The following PCDHGA7 variants were observed in gnomAD, a reference collection of about 807,000 sequenced individuals.
The protein encoded by PCDHGA7 is protocadherin gamma-A7.
Under a neutral mutation model 58.3 loss-of-function variants are expected in PCDHGA7, and 44 were observed. The observed-to-expected ratio is 0.75, with a 90% CI of 0.59 to 0.97. PCDHGA7 has a LOEUF of 0.97. PCDHGA7 is among the 50% of genes least tolerant of loss of function. The pLI is 0.00. For missense variants in PCDHGA7, 1,266 were observed against 1,188.7 expected, an observed-to-expected ratio of 1.06 and a Z score of -0.96; for synonymous variants, 516 against 504.2, an observed-to-expected ratio of 1.02 and a Z score of -0.31.
At position 141,491,137 on chromosome 5, in the gene PCDHGA7, GC is replaced by G. The variant is rs1373404184; in HGVS notation, c.2425-3668del. ...CACTGGTGAGGTGCGCACAGCCCGG[GC>G]CTTACTGGAGGATGACTCTGACACC... On this transcript the variant is annotated intron_variant, in intron 1 of 3. Transcript: ENST00000518325. This position sits in a 1 kb window ranked among gnomAD's most constrained non-coding sequence, Gnocchi z 6.9. The G allele has an allele frequency of 1.2e-6, 2 of 1,614,156 alleles. No individual in the cohort carries two copies. Among genetic ancestry groups the G allele is most frequent in the Non-Finnish European group, 1.7e-6 (2 of 1,180,008 alleles).
chr5:141,498,197 A>C (rs1191884415), intron 2 of PCDHGA7, among the ~76,000 whole-genome samples: 1 of 152,246 alleles, frequency 6.6e-6, no homozygotes. Flanking sequence ...AACCAGCTAA[A>C]GAAAAGAAGG....
At chr5:141,509,081 A>G (rs1279221589) in intron 3 of PCDHGA7, among the ~76,000 whole-genome samples, 1 of 152,160 alleles carries the variant, frequency 6.6e-6, no homozygotes, top group African/African-American at 2.4e-5. Flanking sequence ...GATTTGCGAC[A>G]TGAAATGGGG....
At chr5:141,404,484 C>G in intron 1 of PCDHGA7, 1 of 1,613,504 alleles carries the variant, frequency 6.2e-7, no homozygotes, top group East Asian at 2.2e-5. Context: ...AACTCAGACA[C>G]TGGTGTGCTG....
chr5:141,495,077 C>T (rs1237589417), intron 2 of PCDHGA7, among the ~76,000 whole-genome samples: 4 of 152,180 alleles, frequency 2.6e-5, no homozygotes, highest in African/African-American at 9.7e-5. Flanking sequence ...AATTCACATG[C>T]TTGCCCCTTC....
chr5:141,393,220 A>G (rs2092705422), intron 1 of PCDHGA7: 15 of 1,613,684 alleles, frequency 9.3e-6, no homozygotes, highest in Non-Finnish European at 1.3e-5. Context: ...TTCCAGGTCG[A>G]AGATCTAGAA....
Position 141,487,373 on chromosome 5 carries a change from C to T in PCDHGA7, c.2425-7434C>T. 2 of 1,614,224 alleles carry T rather than the reference C, an allele frequency of 1.2e-6. No homozygotes were observed. Among genetic ancestry groups the T allele is most frequent in the Non-Finnish European group, 1.7e-6 (2 of 1,180,042 alleles). On this transcript the variant is annotated intron_variant, in intron 1 of 3. Transcript: ENST00000518325. This position sits in a 1 kb window ranked among gnomAD's most constrained non-coding sequence, Gnocchi z 5.0. ...CTTTCCTGCTGGCACCTGTGCCTGTCTCACCAGATCTCGAAGGAGGGAGGG... is the reference window on the plus strand; with the variant it reads ...CTTTCCTGCTGGCACCTGTGCCTGTTTCACCAGATCTCGAAGGAGGGAGGG...
chr5:141,500,484 C>T (rs2099800696), intron 2 of PCDHGA7, among the ~76,000 whole-genome samples: 1 of 152,304 alleles, frequency 6.6e-6, no homozygotes, highest in Non-Finnish European at 1.5e-5. Context: ...GCTGGGATTA[C>T]AGGCGTGAGC....
At chr5:141,388,085 C>G in intron 1 of PCDHGA7, 1 of 1,363,472 alleles carries the variant, frequency 7.3e-7, no homozygotes, top group Non-Finnish European at 1.0e-6. Context: ...GAAAACTGCG[C>G]GTCAGTTCGG....
intron 1 of PCDHGA7, chr5:141,409,529 G>A: frequency 6.2e-7 from 1 of 1,613,962 alleles, no homozygotes; most frequent in Middle Eastern, 1.6e-4. Context: ...CTTGTATGTC[G>A]CTGACATCAA....
At chr5:141,422,420 C>A in intron 1 of PCDHGA7, 2 of 1,607,576 alleles carry the variant, frequency 1.2e-6, no homozygotes, top group Non-Finnish European at 1.7e-6. Context: ...TTAGAAAAGA[C>A]TTATGGAAAT....
At chr5:141,393,528 G>A in intron 1 of PCDHGA7, 7 of 1,613,988 alleles carry the variant, frequency 4.3e-6, no homozygotes, top group East Asian at 4.5e-5. Context: ...AAATGACAAT[G>A]CCCCGGTTTT....
intron 1 of PCDHGA7, chr5:141,400,255 C>T: frequency 6.2e-7 from 1 of 1,614,046 alleles, no homozygotes; most frequent in Non-Finnish European, 8.5e-7. Flanking sequence ...CGTTGCCTTG[C>T]GCCTGCGACG....
In PCDHGA7 at chr5:141,503,070, G is replaced by A. The variant is rs868143537; in HGVS notation, c.2484-2323G>A. 1.5e-4 allele frequency among the ~76,000 whole-genome samples: 23 copies of A among 151,614 alleles called. No individual in the cohort carries two copies. The Middle Eastern group carries it at 0.01, about 68-fold the overall frequency. On this transcript the variant is annotated intron_variant, in intron 2 of 3. Coordinates refer to ENST00000518325, the MANE Select transcript of PCDHGA7 (RefSeq NM_018920.4). ...GGGTTTCACCATGTTGGTCAGAATGGTCTCGATCTCCTGACCTCGTGGTCT... is the reference window on the plus strand; with the variant it reads ...GGGTTTCACCATGTTGGTCAGAATGATCTCGATCTCCTGACCTCGTGGTCT...
At chr5:141,437,013 A>G (rs570721163) in intron 1 of PCDHGA7, among the ~76,000 whole-genome samples, 146 of 152,354 alleles carry the variant, frequency 9.6e-4, no homozygotes, top group Non-Finnish European at 1.2e-3. Flanking sequence ...ATCTTAGATA[A>G]TTTCACCAGA....
At chr5:141,409,119 C>T (rs1231583978) in intron 1 of PCDHGA7, 8 of 1,613,810 alleles carry the variant, frequency 5.0e-6, no homozygotes, top group Non-Finnish European at 6.8e-6. Flanking sequence ...AATAACCAGT[C>T]ATTTGATTTT....
In PCDHGA7 at chr5:141,432,690, T is replaced by A. The variant is rs764124373; in HGVS notation, c.2424+47367T>A. 5.0e-6 allele frequency: 8 copies of A among 1,613,854 alleles called. No individual in the cohort carries two copies. The highest frequency in any genetic ancestry group is 2.7e-5 in the African/African-American group (2 of 74,940). ...GACGCGCTCAAGCAGAGCCTCGTAGTGGCCGTCCAGGACCACGGCCAGCCC... is the reference window on the plus strand; with the variant it reads ...GACGCGCTCAAGCAGAGCCTCGTAGAGGCCGTCCAGGACCACGGCCAGCCC... On this transcript the variant is annotated intron_variant, in intron 1 of 3. Coordinates refer to ENST00000518325, the MANE Select transcript of PCDHGA7 (RefSeq NM_018920.4). This position sits in a 1 kb window ranked among gnomAD's most constrained non-coding sequence, Gnocchi z 6.0.
intron 1 of PCDHGA7, among the ~76,000 whole-genome samples, chr5:141,481,171 C>G (rs927813327): frequency 6.6e-6 from 1 of 152,120 alleles, no homozygotes; most frequent in African/African-American, 2.4e-5. Flanking sequence ...AACCAGAATC[C>G]AGCTTTATTG....
chr5:141,445,276 C>T (rs761058385), intron 1 of PCDHGA7, among the ~76,000 whole-genome samples: 1 of 152,218 alleles, frequency 6.6e-6, no homozygotes, highest in Non-Finnish European at 1.5e-5. Flanking sequence ...AACCACTCTG[C>T]ATAAGTTCAG....
rs1478890031 is a variant in PCDHGA7, at chr5:141,478,689, C to G, written c.2425-16118C>G. On this transcript the variant is annotated intron_variant, in intron 1 of 3. Coordinates refer to ENST00000518325, the MANE Select transcript of PCDHGA7 (RefSeq NM_018920.4). Reference sequence around the variant, plus strand: ...CACTTTCAACTGGCCCTTCCTAGATCAAAGTTAGTGCCTTTGTGAGATGGT... The same window carrying G: ...CACTTTCAACTGGCCCTTCCTAGATGAAAGTTAGTGCCTTTGTGAGATGGT... 3 of 1,550,866 alleles carry G rather than the reference C, an allele frequency of 1.9e-6. No homozygotes were observed. In the African/African-American group the frequency reaches 4.1e-5, roughly 21 times the overall value.
Sources: allele counts gnomAD v4.1 joint callset (sites outside exome capture counted in the v4.1 genomes callset), GRCh38; gene constraint gnomAD v4.1.1; non-coding constraint Gnocchi (gnomAD v3.1); transcripts MANE v1.5; gene names NCBI Gene and HGNC (gene_info 2026-07-23, HGNC 2026-07-21).